The following RNF152 variants were observed in gnomAD, a reference collection of about 807,000 sequenced individuals.
RNF152 encodes the protein E3 ubiquitin-protein ligase RNF152.
In RNF152, 11 loss-of-function variants were observed where a neutral mutation model predicts 12.7. The ratio of observed to expected loss-of-function variants is 0.86; its 90% confidence interval spans 0.54 to 1.43. RNF152 has a LOEUF of 1.43. RNF152 is among the 40% of genes most tolerant of loss of function. The pLI, the probability that RNF152 is intolerant of heterozygous loss-of-function variation, is 0.00. For missense variants in RNF152, 255 were observed against 274.8 expected (o/e 0.93, Z 0.51); for synonymous variants, 113 against 120.3 (o/e 0.94, Z 0.40).
At chr18:61,842,739 C>CA (rs752122390) in intron 1 of RNF152, among the ~76,000 whole-genome samples, 4 of 152,110 alleles carry the variant, frequency 2.6e-5, no homozygotes, top group Non-Finnish European at 5.9e-5. Context: ...TGGTGGAAGG[C>CA]AAGGAGGAGC....
chr18:61,824,658 C>T (rs1189537620), intron 1 of RNF152, among the ~76,000 whole-genome samples: 2 of 152,192 alleles, frequency 1.3e-5, no homozygotes, highest in Non-Finnish European at 2.9e-5. Context: ...CAGTAGCCTT[C>T]CCAGATGAAG....
At chr18:61,854,573 G>A (rs976373510) in intron 1 of RNF152, among the ~76,000 whole-genome samples, 1 of 152,156 alleles carries the variant, frequency 6.6e-6, no homozygotes, top group Non-Finnish European at 1.5e-5. Flanking sequence ...GGGCTGGGAG[G>A]TGGTATTTGG....
In RNF152 at chr18:61,879,473, G is replaced by A. The variant is rs75204733; in HGVS notation, c.-136+13322C>T. Among the ~76,000 whole-genome samples, 63 of 152,226 alleles carry A rather than the reference G, an allele frequency of 4.1e-4. No individual in the cohort carries two copies. In the East Asian group the frequency reaches 0.01, roughly 25 times the overall value. The stretch of plus-strand genomic sequence containing the variant: ...CAGTGCCCCATAGATACTGAGTGAC[G>A]ACTGTATATATGGTACTTATAGCTT... On this transcript the variant is annotated intron_variant, in intron 1 of 1. Coordinates refer to ENST00000312828, the MANE Select transcript of RNF152 (RefSeq NM_173557.3).
intron 1 of RNF152, among the ~76,000 whole-genome samples, chr18:61,874,536 C>G (rs2144743696): frequency 1.3e-5 from 2 of 152,292 alleles, no homozygotes; most frequent in South Asian, 4.1e-4. Flanking sequence ...TAGTAAGAGA[C>G]ATAACAGTTC....
intron 1 of RNF152, among the ~76,000 whole-genome samples, chr18:61,838,563 C>T (rs1159576653): frequency 6.6e-6 from 1 of 152,290 alleles, no homozygotes; most frequent in Non-Finnish European, 1.5e-5. Flanking sequence ...AATGAACAGT[C>T]TTCATTCCTC....
At chr18:61,865,936 G>A (rs903457335) in intron 1 of RNF152, among the ~76,000 whole-genome samples, 1 of 152,232 alleles carries the variant, frequency 6.6e-6, no homozygotes, top group Non-Finnish European at 1.5e-5. Context: ...AGGCACTAGA[G>A]TCATCATGTT....
intron 1 of RNF152, among the ~76,000 whole-genome samples, chr18:61,882,192 C>T (rs1442989215): frequency 6.6e-6 from 1 of 152,160 alleles, no homozygotes; most frequent in Non-Finnish European, 1.5e-5. Context: ...AAGTGTAATG[C>T]AAATATTACA....
chr18:61,851,340 C>T (rs1250460663), intron 1 of RNF152, among the ~76,000 whole-genome samples: 1 of 152,136 alleles, frequency 6.6e-6, no homozygotes, highest in Non-Finnish European at 1.5e-5. Flanking sequence ...ATACCATATT[C>T]CTACCAGTAG....
At chr18:61,862,013 T>C (rs1010629290) in intron 1 of RNF152, among the ~76,000 whole-genome samples, 1 of 152,094 alleles carries the variant, frequency 6.6e-6, no homozygotes, top group African/African-American at 2.4e-5. Flanking sequence ...TTGGTTAAAT[T>C]GGAAAAATGA....
At chr18:61,844,102 GAAAGAAAGAAA>G (rs1910610569) in intron 1 of RNF152, among the ~76,000 whole-genome samples, 6 of 136,276 alleles carry the variant, frequency 4.4e-5, no homozygotes, top group African/African-American at 1.7e-4. Flanking sequence ...AAGAAAGAAA[GAAAGAAAGAAA>G]GAAAGAAAGA....
At chr18:61,834,330 T>G (rs1271817417) in intron 1 of RNF152, among the ~76,000 whole-genome samples, 1 of 152,248 alleles carries the variant, frequency 6.6e-6, no homozygotes, top group Admixed American at 6.5e-5. Context: ...CAAATGTCTA[T>G]CACCTCCTCC....
chr18:61,858,980 G>C (rs1019578924), intron 1 of RNF152, among the ~76,000 whole-genome samples: 1 of 151,918 alleles, frequency 6.6e-6, no homozygotes, highest in South Asian at 2.1e-4. Flanking sequence ...TGTTTCTTAC[G>C]CGCCGGGTGA....
At chr18:61,856,210 A>G (rs910676566) in intron 1 of RNF152, among the ~76,000 whole-genome samples, 1 of 152,246 alleles carries the variant, frequency 6.6e-6, no homozygotes, top group African/African-American at 2.4e-5. Context: ...TGAGTTGGTG[A>G]GTAAAGCGAT....
At chr18:61,874,415 A>G (rs1387642373) in intron 1 of RNF152, among the ~76,000 whole-genome samples, 1 of 152,252 alleles carries the variant, frequency 6.6e-6, no homozygotes, top group African/African-American at 2.4e-5. Flanking sequence ...ACGTTTCTTG[A>G]TGAAAGAGCC....
chr18:61,854,829 T>A (rs1440226060), intron 1 of RNF152, among the ~76,000 whole-genome samples: 5 of 152,340 alleles, frequency 3.3e-5, no homozygotes, highest in African/African-American at 1.2e-4. Context: ...ATTTCGCCTA[T>A]GTCTGTGTTC....
Position 61,851,451 on chromosome 18 carries a change from C to T in RNF152, c.-135-34853G>A, listed in dbSNP as rs367989643. 4.6e-5 allele frequency among the ~76,000 whole-genome samples: 7 copies of T among 152,134 alleles called. No homozygotes were observed. In the South Asian group the frequency reaches 1.5e-3, roughly 32 times the overall value. ...AGCTGCCCCAGCTTCAGGGGTGAGG[C>T]TACAGTGAGACACTCAGGAACTGTG... On this transcript the variant is annotated intron_variant, in intron 1 of 1. Coordinates refer to ENST00000312828, the MANE Select transcript of RNF152 (RefSeq NM_173557.3).
At chr18:61,871,210 C>G (rs1471100339) in intron 1 of RNF152, among the ~76,000 whole-genome samples, 24 of 147,934 alleles carry the variant, frequency 1.6e-4, no homozygotes, top group African/African-American at 5.1e-4. Context: ...CACCTCCCCC[C>G]ACCCCAAAAA....
intron 1 of RNF152, among the ~76,000 whole-genome samples, chr18:61,833,479 T>C (rs1164552867): frequency 6.6e-6 from 1 of 152,170 alleles, no homozygotes; most frequent in African/African-American, 2.4e-5. Flanking sequence ...CTCCTGTCCT[T>C]CAAATGATGG....
chr18:61,864,326 C>T (rs1911634162), intron 1 of RNF152, among the ~76,000 whole-genome samples: 1 of 152,200 alleles, frequency 6.6e-6, no homozygotes, highest in African/African-American at 2.4e-5. Context: ...GAACGGCTAG[C>T]AGAACTCTGT....
Sources: gnomAD v4.1 joint callset for allele counts (sites outside exome capture counted in the v4.1 genomes callset) on GRCh38, gnomAD v4.1.1 for gene constraint, MANE v1.5 for transcripts, NCBI Gene and HGNC (gene_info 2026-07-23, HGNC 2026-07-21) for gene names.